The following REV3L variants were observed in gnomAD, a reference collection of about 807,000 sequenced individuals.
REV3L encodes DNA polymerase zeta catalytic subunit.
Under a neutral mutation model 299.4 loss-of-function variants are expected in REV3L, and 69 were observed. The observed-to-expected ratio is 0.23, with a 90% CI of 0.19 to 0.28. The LOEUF (loss-of-function observed/expected upper bound fraction) is 0.28. Ranked by LOEUF, REV3L falls within the 10% of genes least tolerant of loss-of-function variation. The pLI is 1.00. For synonymous variants in REV3L, 1,238 were observed against 1,271.4 expected, an observed-to-expected ratio of 0.97 and a Z score of 0.56; for missense variants, 3,128 against 3,693.8, an observed-to-expected ratio of 0.85 and a Z score of 3.97.
chr6:111,345,503 AT>A (rs1390756001), intron 20 of REV3L, among the ~76,000 whole-genome samples: 1 of 152,128 alleles, frequency 6.6e-6, no homozygotes, highest in South Asian at 2.1e-4. Flanking sequence ...ATACTCCTTG[AT>A]TCCTTGAACT....
intron 15 of REV3L, 107 bp downstream of exon 15, chr6:111,365,158 A>T: frequency 1.4e-6 from 1 of 720,318 alleles, no homozygotes; most frequent in Non-Finnish European, 2.2e-6. Context: ...GCAAAAATTT[A>T]AGTAACCAAA....
rs570468241 is a variant in REV3L at position 111,357,647 on chromosome 6, C to T, written c.7073-522G>A. ...GGCAGAGCTTGCAGTGAGCGGAGAT[C>T]GCACCACTGCACTCCAACCTGGGCA... On this transcript the variant is annotated intron_variant, in intron 17 of 31. Transcript: ENST00000368802. Among the ~76,000 whole-genome samples, 46 of 151,982 alleles carry T rather than the reference C, an allele frequency of 3.0e-4. No individual in the cohort carries two copies. In the South Asian group the frequency reaches 7.5e-3, roughly 25 times the overall value.
At chr6:111,418,953 C>G (rs991266987) in intron 1 of REV3L, among the ~76,000 whole-genome samples, 1 of 152,144 alleles carries the variant, frequency 6.6e-6, no homozygotes, top group Non-Finnish European at 1.5e-5. Context: ...ATGTGAAAGC[C>G]TTTGAATATC....
chr6:111,308,794 A>G (rs964113386), intron 30 of REV3L, among the ~76,000 whole-genome samples: 6 of 152,204 alleles, frequency 3.9e-5, no homozygotes, highest in Non-Finnish European at 8.8e-5. Context: ...ATTTATTTTA[A>G]TATTTCTATA....
chr6:111,301,810 C>T lies in REV3L; in HGVS notation c.9253-1654G>A, dbSNP rs372820876. Among the ~76,000 whole-genome samples the T allele has an allele frequency of 4.6e-5, 7 of 151,700 alleles. No individual in the cohort carries two copies. The South Asian group carries it at 6.3e-4, about 14-fold the overall frequency. On this transcript the variant is annotated intron_variant, in intron 31 of 31. Transcript: ENST00000368802. Reference sequence around the variant, plus strand: ...AAAAATACTTTAAAGTCTCAAGTTGCATATATAGTTAAAAAAAAGGTTATA... The same window carrying T: ...AAAAATACTTTAAAGTCTCAAGTTGTATATATAGTTAAAAAAAAGGTTATA...
rs747100815 is a variant in REV3L, at chr6:111,367,250, G to A, written c.6538C>T (p.Leu2180=). 2 of 1,613,968 alleles carry A rather than the reference G, an allele frequency of 1.2e-6. No homozygotes were observed. Among genetic ancestry groups the A allele is most frequent in the South Asian group, 2.2e-5 (2 of 91,036 alleles). ...CTAGTATTAATTGGAGATATCACTA[G>A]AGGCTCTTGAGGCTCACTGCAGGGG... The part of the protein sequence containing the change: ...KSPCSEPQEP[L]VISPINTRAR... The change falls in exon 14 of 32, where the codon CTA becomes TTA. Residue 2180 remains leucine, a synonymous_variant. Coordinates refer to ENST00000368802, the MANE Select transcript of REV3L (RefSeq NM_001372078.1).
rs1387185832 is a variant in REV3L, at chr6:111,353,930, T to C, written c.7185-2139A>G. ...TGTAATGAATGGCTACATTTGAGAATTGGGGCACAAGTATTAAGTGGCTCT... is the reference window on the plus strand; with the variant it reads ...TGTAATGAATGGCTACATTTGAGAACTGGGGCACAAGTATTAAGTGGCTCT... On this transcript the variant is annotated intron_variant, in intron 18 of 31. Transcript: ENST00000368802. The C allele has an allele frequency of 4.6e-5, 7 of 152,190 alleles. No homozygotes were observed. In the East Asian group the frequency reaches 5.8e-4, roughly 13 times the overall value. 9.4% of individuals were successfully genotyped at this position (152,190 alleles called of 1,614,324 possible).
Position 111,299,149 on chromosome 6 carries a change from C to CAGTT in REV3L, c.*863_*866dup, listed in dbSNP as rs900480006. On this transcript the variant is annotated 3_prime_UTR_variant, in exon 32 of 32. Coordinates refer to ENST00000368802, the MANE Select transcript of REV3L (RefSeq NM_001372078.1). Reference sequence around the variant, plus strand: ...CACATAATTCCTTTTTTATTTTACACAGTTATACAAATATTCTAAATACAC... The same window carrying CAGTT: ...CACATAATTCCTTTTTTATTTTACACAGTTAGTTATACAAATATTCTAAATACAC... 9.2e-5 allele frequency: 14 copies of CAGTT among 152,386 alleles called. No individual in the cohort carries two copies. The South Asian group carries it at 1.2e-3, about 14-fold the overall frequency. 9.4% of individuals were successfully genotyped at this position (152,386 alleles called of 1,614,324 possible).
intron 1 of REV3L, among the ~76,000 whole-genome samples, chr6:111,460,864 C>A (rs1330963172): frequency 6.6e-6 from 1 of 152,054 alleles, no homozygotes; most frequent in East Asian, 1.9e-4. Flanking sequence ...TACGATGAAG[C>A]TGAAAAATTC....
At chr6:111,480,795 A>C (rs1219609539) in intron 1 of REV3L, among the ~76,000 whole-genome samples, 1 of 150,988 alleles carries the variant, frequency 6.6e-6, no homozygotes, top group Non-Finnish European at 1.5e-5. Flanking sequence ...TACCAAAAAA[A>C]AAACCCCAAT....
intron 31 of REV3L, among the ~76,000 whole-genome samples, chr6:111,304,410 C>G (rs1411217185): frequency 6.7e-6 from 1 of 148,628 alleles, no homozygotes; most frequent in Non-Finnish European, 1.5e-5. Flanking sequence ...CTTGATTGGT[C>G]TTGGATTGAG....
At chr6:111,370,799 C>G (rs1308386738) in intron 13 of REV3L, among the ~76,000 whole-genome samples, 2 of 152,042 alleles carry the variant, frequency 1.3e-5, no homozygotes, top group Non-Finnish European at 2.9e-5. Context: ...ACATACATGG[C>G]CTCCCTCATT....
rs760639262 is a variant in REV3L at position 111,376,797 on chromosome 6, CTT to C, written c.1598-42_1598-41del. ...GAAAAACAGTTTATTTCATTTTACTCTTTTAATTTTTAAGACATTTTCCCACA... is the reference window on the plus strand; with the variant it reads ...GAAAAACAGTTTATTTCATTTTACTCTTAATTTTTAAGACATTTTCCCACA... On this transcript the variant is annotated intron_variant, in intron 12 of 31. Transcript: ENST00000368802. 24 of 1,452,522 alleles carry C rather than the reference CTT, an allele frequency of 1.7e-5. No individual in the cohort carries two copies. The African/African-American group carries it at 2.1e-4, about 13-fold the overall frequency. The allele number at this position is 1,452,522 out of a possible 1,614,324, so 90.0% of individuals were successfully genotyped here.
At chr6:111,392,409 AT>A (rs1782025155) in intron 5 of REV3L, among the ~76,000 whole-genome samples, 1 of 152,222 alleles carries the variant, frequency 6.6e-6, no homozygotes, top group African/African-American at 2.4e-5. Context: ...TCCAAAAAAA[AT>A]CTAATCAATA....
At chr6:111,424,187 A>C (rs1389358507) in intron 1 of REV3L, among the ~76,000 whole-genome samples, 2 of 152,212 alleles carry the variant, frequency 1.3e-5, no homozygotes, top group Non-Finnish European at 2.9e-5. Context: ...CAGGCAAGAA[A>C]GGGAAGCTAA....
chr6:111,376,340 T>C lies in REV3L; in HGVS notation c.2015A>G (p.Gln672Arg). 1 of 1,612,950 alleles carries C rather than the reference T, an allele frequency of 6.2e-7. No individual in the cohort carries two copies. Residue 672 changes from glutamine (Q) to arginine (R), a missense_variant, in exon 13 of 32, where the codon CAA becomes CGA. Coordinates refer to ENST00000368802, the MANE Select transcript of REV3L (RefSeq NM_001372078.1). The stretch of plus-strand genomic sequence containing the variant: ...GTTTGTATATTTTCTACTTGGTACT[T>C]GTCTTGTAACAGATGGAATATCTTC... ...YEEDIPSVTR[Q>R]VPSRKYTNIR... is the part of the protein sequence containing the mutation.
intron 3 of REV3L, among the ~76,000 whole-genome samples, chr6:111,409,935 T>A (rs1006137404): frequency 6.6e-6 from 1 of 152,328 alleles, no homozygotes; most frequent in East Asian, 1.9e-4. Flanking sequence ...TCTCCCCAGC[T>A]TGTTGTAAGT....
chr6:111,436,061 C>T (rs193064132), intron 1 of REV3L, among the ~76,000 whole-genome samples: 1 of 152,310 alleles, frequency 6.6e-6, no homozygotes, highest in East Asian at 1.9e-4. Flanking sequence ...AGATGCTCAA[C>T]ATCACTAACC....
intron 21 of REV3L, among the ~76,000 whole-genome samples, chr6:111,339,422 C>T (rs751986556): frequency 3.9e-5 from 6 of 152,054 alleles, no homozygotes; most frequent in Non-Finnish European, 7.4e-5. Context: ...AAATGAGTAA[C>T]TGTCTTGTTA....
Sources: gnomAD v4.1 joint callset for allele counts (sites outside exome capture counted in the v4.1 genomes callset) on GRCh38, gnomAD v4.1.1 for gene constraint, MANE v1.5 for transcripts, NCBI Gene and HGNC (gene_info 2026-07-23, HGNC 2026-07-21) for gene names.